The following SEPTIN9 variants were observed in gnomAD, a reference collection of about 807,000 sequenced individuals.
SEPTIN9 encodes septin 9.
Under a neutral mutation model 56.6 loss-of-function variants are expected in SEPTIN9, and 13 were observed. The ratio of observed to expected loss-of-function variants is 0.23; its 90% CI spans 0.15 to 0.37. The LOEUF (loss-of-function observed/expected upper bound fraction) is 0.37, where lower values mean the gene tolerates loss of function less well. Ranked by LOEUF, SEPTIN9 falls within the 10% of genes least tolerant of loss-of-function variation. The probability of loss-of-function intolerance (pLI) is 1.00; values close to 1 mark genes in which losing one functional copy is unlikely to be tolerated. For missense variants in SEPTIN9, 650 were observed against 823.1 expected, an observed-to-expected ratio of 0.79 and a Z score of 2.57; for synonymous variants, 332 against 334.1, an observed-to-expected ratio of 0.99 and a Z score of 0.07.
At position 77,490,208 on chromosome 17, in the gene SEPTIN9, A is replaced by G. The variant is rs2039965669; in HGVS notation, c.1263-534A>G. Reference sequence around the variant, plus strand: ...GAAAAGCTCGGCTCCAGAACTGGGGAAGATGGTGCCCCAGTTCCAGGGCCC... The same window carrying G: ...GAAAAGCTCGGCTCCAGAACTGGGGGAGATGGTGCCCCAGTTCCAGGGCCC... On this transcript the variant is annotated intron_variant, in intron 7 of 11. Transcript: ENST00000427177. 2.0e-5 allele frequency among the ~76,000 whole-genome samples: 3 copies of G among 152,258 alleles called. No individual in the cohort carries two copies. The South Asian group carries it at 6.2e-4, about 32-fold the overall frequency.
intron 8 of SEPTIN9, among the ~76,000 whole-genome samples, chr17:77,491,593 A>G (rs575106196): frequency 1.2e-3 from 183 of 151,606 alleles, no homozygotes; most frequent in African/African-American, 4.2e-3. Flanking sequence ...CGGGCAGATC[A>G]CTTGAGGTCA....
chr17:77,498,737 A>ATTTTTT lies in SEPTIN9; in HGVS notation c.*83_*84insTTTTTT, dbSNP rs2040387729. ...CCAGGCCCTCCCACCACCCCATTTT[A>ATTTTTT]TTTTATATGATTTTCTCCATTTGTC... On this transcript the variant is annotated 3_prime_UTR_variant, in exon 12 of 12. Transcript: ENST00000427177. The ATTTTTT allele has an allele frequency of 1.6e-6, 1 of 619,436 alleles. No homozygotes were observed. Among genetic ancestry groups the ATTTTTT allele is most frequent in the Non-Finnish European group, 2.5e-6 (1 of 397,604 alleles). The allele number at this position is 619,436 out of a possible 1,614,324, so 38.4% of individuals were successfully genotyped here.
chr17:77,419,494 C>G (rs1373879709), intron 3 of SEPTIN9, among the ~76,000 whole-genome samples: 1 of 151,930 alleles, frequency 6.6e-6, no homozygotes, highest in Non-Finnish European at 1.5e-5. Flanking sequence ...GCAGCCACCT[C>G]AGGGGACCCC....
chr17:77,422,834 G>A (rs2036754455), intron 3 of SEPTIN9, among the ~76,000 whole-genome samples: 1 of 152,152 alleles, frequency 6.6e-6, no homozygotes, highest in Non-Finnish European at 1.5e-5. Context: ...CAGAACCAGA[G>A]TCTCTGGGGT....
At position 77,367,035 on chromosome 17, in the gene SEPTIN9, C is replaced by T. The variant is rs577446486; in HGVS notation, c.77-35024C>T. ...TGGGAAGTCTGGGGAACAGATTGGT[C>T]ATGTGCTTCTTTGAGTGAAACCTTA... is the stretch of plus-strand genomic sequence containing the variant. On this transcript the variant is annotated intron_variant, in intron 2 of 11. Coordinates refer to ENST00000427177, the MANE Select transcript of SEPTIN9 (RefSeq NM_001113491.2). This position sits in a 1 kb window ranked among gnomAD's most constrained non-coding sequence, Gnocchi z 4.5. 6.6e-6 allele frequency among the ~76,000 whole-genome samples: 1 copy of T among 152,216 alleles called. No individual in the cohort carries two copies. Among genetic ancestry groups the T allele is most frequent in the Non-Finnish European group, 1.5e-5 (1 of 68,046 alleles).
chr17:77,318,685 C>A lies in SEPTIN9; in HGVS notation c.76+11488C>A, dbSNP rs192114310. 2.4e-4 allele frequency among the ~76,000 whole-genome samples: 37 copies of A among 152,212 alleles called. No individual in the cohort carries two copies. Among genetic ancestry groups the A allele is most frequent in the Middle Eastern group, 3.4e-3 (1 of 294 alleles). On this transcript the variant is annotated intron_variant, in intron 2 of 11. Coordinates refer to ENST00000427177, the MANE Select transcript of SEPTIN9 (RefSeq NM_001113491.2). The surrounding 1 kb of genome is among the most constrained non-coding windows in gnomAD (Gnocchi z 4.9). ...GCTGGGAATGGTCCTCCCCACCCCC[C>A]AGGAAGATGTCCTTTCTGCCAAGGA...
intron 3 of SEPTIN9, among the ~76,000 whole-genome samples, chr17:77,423,385 G>C (rs2036774438): frequency 6.6e-6 from 1 of 152,206 alleles, no homozygotes; most frequent in Non-Finnish European, 1.5e-5. Flanking sequence ...AGTTCCCCTT[G>C]ATAGTTTTGT....
chr17:77,382,833 G>A (rs1166069504), intron 2 of SEPTIN9, among the ~76,000 whole-genome samples: 1 of 152,124 alleles, frequency 6.6e-6, no homozygotes, highest in African/African-American at 2.4e-5. Context: ...AGGCAAAGGC[G>A]AGGGAGGAGG....
chr17:77,482,026 C>G (rs563218110), intron 3 of SEPTIN9, 118 bp from the exon 4 acceptor site: 12 of 999,574 alleles, frequency 1.2e-5, no homozygotes, highest in African/African-American at 6.5e-5. Context: ...AGTCGCTTAG[C>G]CTTTCTGAGC....
intron 1 of SEPTIN9, among the ~76,000 whole-genome samples, chr17:77,292,794 G>T (rs2031626434): frequency 6.6e-6 from 1 of 151,582 alleles, no homozygotes; most frequent in African/African-American, 2.4e-5. Context: ...AGGCCCGGCC[G>T]TTGAGATTAC....
Position 77,498,781 on chromosome 17 carries a change from G to A in SEPTIN9, c.*123G>A, listed in dbSNP as rs939998165. On this transcript the variant is annotated 3_prime_UTR_variant, in exon 12 of 12. Coordinates refer to ENST00000427177, the MANE Select transcript of SEPTIN9 (RefSeq NM_001113491.2). ...ATTTGTCATCGTTCCCCACCCCTTC[G>A]ACATGCTGCCAGGAAACAAGGGAAG... 21 of 645,660 alleles carry A rather than the reference G, an allele frequency of 3.3e-5. No individual in the cohort carries two copies. The highest frequency in any genetic ancestry group is 1.6e-4 in the Admixed American group (7 of 43,820). 40.0% of individuals were successfully genotyped at this position (645,660 alleles called of 1,614,324 possible). A position where few individuals can be genotyped will look rare whatever the true frequency, so the allele number is the denominator to read the frequency against.
Position 77,369,966 on chromosome 17 carries a change from G to A in SEPTIN9, c.77-32093G>A, listed in dbSNP as rs1056825772. On this transcript the variant is annotated intron_variant, in intron 2 of 11. Coordinates refer to ENST00000427177, the MANE Select transcript of SEPTIN9 (RefSeq NM_001113491.2). The surrounding 1 kb of genome is among the most constrained non-coding windows in gnomAD (Gnocchi z 4.9). ...TGCTCCTTCCCATTTCCAGAAAGGC[G>A]TGCAGGGGTTTCCTATGGCTCTCTT... Among the ~76,000 whole-genome samples, 1 of 152,216 alleles carries A rather than the reference G, an allele frequency of 6.6e-6. No individual in the cohort carries two copies. The highest frequency in any genetic ancestry group is 2.1e-4 in the South Asian group (1 of 4,838).
chr17:77,402,529 G>A lies in SEPTIN9; in HGVS notation c.547G>A (p.Ala183Thr), dbSNP rs372396458. The A allele has an allele frequency of 1.2e-5, 19 of 1,605,962 alleles. No homozygotes were observed. The highest frequency in any genetic ancestry group is 1.6e-4 in the Middle Eastern group (1 of 6,074). Residue 183 changes from alanine (A) to threonine (T), a missense_variant, in exon 3 of 12, where the codon GCA becomes ACA. Ala to Thr is a moderately conservative substitution (Grantham distance 58). Coordinates refer to ENST00000427177, the MANE Select transcript of SEPTIN9 (RefSeq NM_001113491.2). The surrounding 1 kb of genome is among the most constrained non-coding windows in gnomAD (Gnocchi z 6.6). ...PEVPTAPATD[A>T]APKRVEIQMP... ...GGTGCCCACTGCCCCTGCCACCGAC[G>A]CAGCCCCCAAGAGGGTGGAGATCCA... is the stretch of plus-strand genomic sequence containing the variant.
intron 3 of SEPTIN9, among the ~76,000 whole-genome samples, chr17:77,407,895 T>C (rs1358307171): frequency 6.6e-6 from 1 of 152,174 alleles, no homozygotes; most frequent in Non-Finnish European, 1.5e-5. Context: ...CATGGGTGCC[T>C]CTGGGTGGAG....
At chr17:77,321,628 T>C (rs2032935768) in intron 2 of SEPTIN9, among the ~76,000 whole-genome samples, 2 of 152,220 alleles carry the variant, frequency 1.3e-5, no homozygotes, top group Admixed American at 6.5e-5. Context: ...GATCTCGTGA[T>C]CCGCCCGCCT....
intron 3 of SEPTIN9, among the ~76,000 whole-genome samples, chr17:77,407,340 A>G (rs1355616188): frequency 6.6e-6 from 1 of 150,840 alleles, no homozygotes; most frequent in Admixed American, 6.6e-5. Context: ...TGACTTGGAC[A>G]TAATAGGTGT....
intron 11 of SEPTIN9, among the ~76,000 whole-genome samples, chr17:77,498,155 C>T (rs1456755701): frequency 6.6e-6 from 1 of 152,024 alleles, no homozygotes; most frequent in East Asian, 1.9e-4. Context: ...TTCCACCCTG[C>T]CAGCACCCTG....
Position 77,340,638 on chromosome 17 carries a change from T to C in SEPTIN9, c.76+33441T>C, listed in dbSNP as rs2033697250. 2.6e-5 allele frequency among the ~76,000 whole-genome samples: 4 copies of C among 152,334 alleles called. No individual in the cohort carries two copies. In the South Asian group the frequency reaches 8.3e-4, roughly 32 times the overall value. ...CGTTAGCCTCTCATGAGAGTCAGCCTGTCCTTTGAAGCTTTAAAGACAGGC... is the reference window on the plus strand; with the variant it reads ...CGTTAGCCTCTCATGAGAGTCAGCCCGTCCTTTGAAGCTTTAAAGACAGGC... On this transcript the variant is annotated intron_variant, in intron 2 of 11. Transcript: ENST00000427177.
Position 77,497,243 on chromosome 17 carries a change from G to C in SEPTIN9, c.1574-72G>C. The C allele has an allele frequency of 2.7e-6, 4 of 1,466,054 alleles. No homozygotes were observed. The African/African-American group carries it at 5.6e-5, about 20-fold the overall frequency. The allele number at this position is 1,466,054 out of a possible 1,614,324, so 90.8% of individuals were successfully genotyped here. A position where few individuals can be genotyped will look rare whatever the true frequency, so the allele number is the denominator to read the frequency against. ...CTTTTGGCACCAGCATTTCTGGGCA[G>C]GGGGAGAGAGGTGGGGTCCGGGCAG... On this transcript the variant is annotated intron_variant, in intron 10 of 11. Transcript: ENST00000427177.
Sources: gnomAD v4.1 joint callset for allele counts (sites outside exome capture counted in the v4.1 genomes callset) on GRCh38, gnomAD v4.1.1 for gene constraint, Gnocchi (gnomAD v3.1) non-coding constraint, MANE v1.5 for transcripts, NCBI Gene and HGNC (gene_info 2026-07-23, HGNC 2026-07-21) for gene names.